Variants in TFCP2L1 observed in about 807,000 individuals in gnomAD.
TFCP2L1 encodes the protein transcription factor CP2 like 1, also known as transcription factor CP2-like protein 1.
In TFCP2L1, 12 loss-of-function variants were observed where a neutral mutation model predicts 72.2. The observed-to-expected ratio is 0.17, with a 90% CI of 0.11 to 0.27. The LOEUF (loss-of-function observed/expected upper bound fraction) is 0.27. Among genes scored for constraint, TFCP2L1 ranks in the 10% least tolerant of loss-of-function variants. TFCP2L1 has a pLI of 1.00. For missense variants in TFCP2L1, 488 were observed against 624.6 expected, an observed-to-expected ratio of 0.78 and a Z score of 2.33; for synonymous variants, 260 against 251.0, an observed-to-expected ratio of 1.04 and a Z score of -0.34.
rs1198676220 is a variant in TFCP2L1 at position 121,222,016 on chromosome 2, C to T, written c.*2325G>A. 6.6e-6 allele frequency: 1 copy of T among 151,976 alleles called. No homozygotes were observed. Among genetic ancestry groups the T allele is most frequent in the African/African-American group, 2.4e-5 (1 of 41,352 alleles). The allele number at this position is 151,976 out of a possible 1,614,324, so 9.4% of individuals were successfully genotyped here. On this transcript the variant is annotated 3_prime_UTR_variant, in exon 15 of 15. Transcript: ENST00000263707. Reference sequence around the variant, plus strand: ...CAAAGGACCTGGATAGACCTTTCTCCAAAGAAATACGCATGGCCCGTAAGC... The same window carrying T: ...CAAAGGACCTGGATAGACCTTTCTCTAAAGAAATACGCATGGCCCGTAAGC...
At chr2:121,275,266 CGCGGCGCCTGTAGT>C (rs1687123210) in intron 2 of TFCP2L1, among the ~76,000 whole-genome samples, 1 of 7,450 alleles carries the variant, frequency 1.3e-4, no homozygotes, top group Admixed American at 1.7e-3. Context: ...CGCCTGTAGT[CGCGGCGCCTGTAGT>C]CCCAGCTACT....
Position 121,238,907 on chromosome 2 carries a change from C to T in TFCP2L1, c.860+651G>A, listed in dbSNP as rs147834525. 4.4e-3 allele frequency among the ~76,000 whole-genome samples: 676 copies of T among 152,192 alleles called. 1 individual carries two copies. Among genetic ancestry groups the T allele is most frequent in the Non-Finnish European group, 7.6e-3 (517 of 68,014 alleles). ...TCTGTCTGCCAAGCATGGGCTCTGA[C>T]GAACCTGCAAGCAGAAAACAGGCAG... On this transcript the variant is annotated intron_variant, in intron 8 of 14. Coordinates refer to ENST00000263707, the MANE Select transcript of TFCP2L1 (RefSeq NM_014553.3).
intron 2 of TFCP2L1, among the ~76,000 whole-genome samples, chr2:121,251,051 G>A (rs997176957): frequency 1.4e-4 from 22 of 151,998 alleles, no homozygotes; most frequent in Non-Finnish European, 2.2e-4. Flanking sequence ...CTTGTGGTCA[G>A]GAGTTCGAGA....
chr2:121,218,412 A>G lies in TFCP2L1; in HGVS notation c.*5929T>C, dbSNP rs917972467. ...GTGGGCCCACCGTATGCTAGCTGAC[A>G]AGGGCAGTCACACACCGGTAAGTGC... On this transcript the variant is annotated 3_prime_UTR_variant, in exon 15 of 15. Transcript: ENST00000263707. 6.6e-6 allele frequency: 1 copy of G among 152,216 alleles called. No individual in the cohort carries two copies. The highest frequency in any genetic ancestry group is 2.4e-5 in the African/African-American group (1 of 41,438). The allele number at this position is 152,216 out of a possible 1,614,324, so 9.4% of individuals were successfully genotyped here. A position where few individuals can be genotyped will look rare whatever the true frequency, so the allele number is the denominator to read the frequency against.
chr2:121,235,081 C>G (rs1686217464), intron 11 of TFCP2L1, 140 bp downstream of exon 11: 1 of 824,008 alleles, frequency 1.2e-6, no homozygotes, highest in South Asian at 1.6e-5. Flanking sequence ...CACATTTCCT[C>G]CTACACTTGA....
chr2:121,266,479 C>A (rs1180676968), intron 2 of TFCP2L1, among the ~76,000 whole-genome samples: 3 of 152,160 alleles, frequency 2.0e-5, no homozygotes, highest in African/African-American at 7.2e-5. Flanking sequence ...GTCCTCTCCT[C>A]CAGCCCCACT....
At chr2:121,276,142 G>A (rs758510088) in intron 2 of TFCP2L1, among the ~76,000 whole-genome samples, 18 of 152,118 alleles carry the variant, frequency 1.2e-4, no homozygotes, top group Non-Finnish European at 2.2e-4. Flanking sequence ...AGGTATACAT[G>A]TGCCATGGTG....
At position 121,239,660 on chromosome 2, in the gene TFCP2L1, G is replaced by A; in HGVS notation, c.769-11C>T. 1 of 1,612,610 alleles carries A rather than the reference G, an allele frequency of 6.2e-7. No homozygotes were observed. The highest frequency in any genetic ancestry group is 8.5e-7 in the Non-Finnish European group (1 of 1,179,176). On this transcript the variant is annotated splice_polypyrimidine_tract_variant and intron_variant, in intron 7 of 14. Transcript: ENST00000263707. ...GGGCCATGGAGAGCACTGCAGGAGA[G>A]AGCACAGGGCGAGCTGGGATCTGGA...
Position 121,270,760 on chromosome 2 carries a change from T to C in TFCP2L1, c.214+10360A>G, listed in dbSNP as rs576767806. Among the ~76,000 whole-genome samples the C allele has an allele frequency of 1.3e-3, 193 of 152,132 alleles. 1 individual carries two copies. Among genetic ancestry groups the C allele is most frequent in the Admixed American group, 2.0e-3 (30 of 15,278 alleles). ...GCTCATGCCTATAATCCCAACACTT[T>C]AGGAGGCTGAGGAGGGGAAAATTGC... On this transcript the variant is annotated intron_variant, in intron 2 of 14. Transcript: ENST00000263707.
chr2:121,249,158 G>T, intron 3 of TFCP2L1, 71 bp from the exon 4 acceptor site: 1 of 1,238,326 alleles, frequency 8.1e-7, no homozygotes, highest in Non-Finnish European at 1.1e-6. Context: ...TTTTCCCTGA[G>T]CCACAGTAAA....
At chr2:121,236,473 G>A (rs549075998) in intron 10 of TFCP2L1, among the ~76,000 whole-genome samples, 66 of 152,226 alleles carry the variant, frequency 4.3e-4, no homozygotes, top group African/African-American at 1.2e-3. Flanking sequence ...AGGGGTCCCC[G>A]AGAGCCTGGT....
At chr2:121,242,510 A>C in intron 6 of TFCP2L1, 41 bp from the exon 7 acceptor site, 2 of 1,589,490 alleles carry the variant, frequency 1.3e-6, no homozygotes, top group Non-Finnish European at 8.6e-7. Context: ...CAAAACCAAC[A>C]CAGGCAGCAG....
At chr2:121,239,473 G>C (rs766962985) in intron 8 of TFCP2L1, 85 bp downstream of exon 8, 284 of 1,453,576 alleles carry the variant, frequency 2.0e-4, no homozygotes, top group Non-Finnish European at 2.6e-4. Context: ...ACAGAAAGGA[G>C]AGGAGACCCA....
intron 2 of TFCP2L1, among the ~76,000 whole-genome samples, chr2:121,263,439 G>A (rs1376921985): frequency 1.0e-5 from 1 of 95,574 alleles, no homozygotes; most frequent in Non-Finnish European, 2.0e-5. Context: ...AAAGAAAAAT[G>A]AGCAATGGAT....
chr2:121,281,846 T>G (rs1323849952), intron 1 of TFCP2L1, among the ~76,000 whole-genome samples: 2 of 151,100 alleles, frequency 1.3e-5, no homozygotes, highest in African/African-American at 4.9e-5. Context: ...AACTGGACAC[T>G]GTTTTCAGGG....
chr2:121,224,889 G>A (rs1338977307), intron 14 of TFCP2L1, among the ~76,000 whole-genome samples: 1 of 152,130 alleles, frequency 6.6e-6, no homozygotes, highest in Non-Finnish European at 1.5e-5. Flanking sequence ...GGAGGCTGAG[G>A]CAGGAGAATG....
At position 121,279,737 on chromosome 2, in the gene TFCP2L1, C is replaced by T. The variant is rs73950925; in HGVS notation, c.214+1383G>A. 7.6e-3 allele frequency among the ~76,000 whole-genome samples: 1,163 copies of T among 152,330 alleles called. 17 individuals carry two copies. Among genetic ancestry groups the T allele is most frequent in the African/African-American group, 0.027 (1,116 of 41,564 alleles). On this transcript the variant is annotated intron_variant, in intron 2 of 14. Coordinates refer to ENST00000263707, the MANE Select transcript of TFCP2L1 (RefSeq NM_014553.3). The stretch of plus-strand genomic sequence containing the variant: ...GCTACACATGTAAGACAAATTGCTA[C>T]GACACCGCAGCTCCCCTGCAATTCC...
chr2:121,258,219 G>A (rs1439700290), intron 2 of TFCP2L1, among the ~76,000 whole-genome samples: 1 of 152,180 alleles, frequency 6.6e-6, no homozygotes, highest in African/African-American at 2.4e-5. Flanking sequence ...ACAGCGATGT[G>A]GGGAAATGGG....
intron 13 of TFCP2L1, among the ~76,000 whole-genome samples, chr2:121,227,448 A>G (rs13390336): frequency 0.02 from 3,004 of 152,286 alleles, 114 homozygotes; most frequent in African/African-American, 0.067. Context: ...GTGGGAGGCC[A>G]AGGCAGGTGG....
Sources: gnomAD v4.1 joint callset for allele counts (sites outside exome capture counted in the v4.1 genomes callset) on GRCh38, gnomAD v4.1.1 for gene constraint, MANE v1.5 for transcripts, NCBI Gene and HGNC (gene_info 2026-07-23, HGNC 2026-07-21) for gene names.